The following MTCL2 variants were observed in gnomAD, a reference collection of about 807,000 sequenced individuals.
The protein encoded by MTCL2 is microtubule crosslinking factor 2, also known as microtubule cross-linking factor 2.
the MTCL2 span, among the ~76,000 whole-genome samples, chr20:36,795,533 G>A: frequency 2.0e-5 from 3 of 152,112 alleles, no homozygotes; most frequent in African/African-American, 7.2e-5. Flanking sequence ...CCAGCACTTT[G>A]GGATGCTGAG....
chr20:36,862,933 G>GCTCCAGGCCCAGCAGGCGCGCCTC, the MTCL2 span: 2 of 1,374,822 alleles, frequency 1.5e-6, no homozygotes, highest in Non-Finnish European at 1.9e-6. Context: ...CTCAGCGCCA[G>GCTCCAGGCCCAGCAGGCGCGCCTC]CTCCAGGCCC....
the MTCL2 span, among the ~76,000 whole-genome samples, chr20:36,804,508 G>A: frequency 6.6e-6 from 1 of 152,160 alleles, no homozygotes; most frequent in African/African-American, 2.4e-5. Flanking sequence ...AGCCCAGGGC[G>A]CAATCCCCCA....
the MTCL2 span, among the ~76,000 whole-genome samples, chr20:36,845,537 G>A: frequency 1.3e-5 from 2 of 152,226 alleles, no homozygotes; most frequent in Non-Finnish European, 2.9e-5. Context: ...ACGGCCCCAC[G>A]TGAGAGGGTG....
the MTCL2 span, chr20:36,783,310 G>T: frequency 6.6e-6 from 1 of 152,224 alleles, no homozygotes. Context: ...AGGCCTAAGA[G>T]CCACTGATGC....
At chr20:36,857,813 G>A in the MTCL2 span, among the ~76,000 whole-genome samples, 1 of 152,194 alleles carries the variant, frequency 6.6e-6, no homozygotes, top group African/African-American at 2.4e-5. Flanking sequence ...ATGAATGAAT[G>A]CCTGGAGGAA....
At chr20:36,805,710 C>CT in the MTCL2 span, 2 of 677,818 alleles carry the variant, frequency 3.0e-6, no homozygotes, top group African/African-American at 3.6e-5. Context: ...CATCTGGACT[C>CT]TGTTACTGCC....
chr20:36,849,804 T>G, the MTCL2 span, among the ~76,000 whole-genome samples: 1 of 152,218 alleles, frequency 6.6e-6, no homozygotes, highest in South Asian at 2.1e-4. Context: ...TGGCTCCAGA[T>G]GCATGGCTAT....
chr20:36,790,509 G>A, the MTCL2 span, among the ~76,000 whole-genome samples: 1 of 133,492 alleles, frequency 7.5e-6, no homozygotes, highest in East Asian at 2.3e-4. Flanking sequence ...GTCTCAGCTT[G>A]TTGCAACCTC....
At chr20:36,829,427 G>A in the MTCL2 span, among the ~76,000 whole-genome samples, 1 of 151,292 alleles carries the variant, frequency 6.6e-6, no homozygotes, top group African/African-American at 2.4e-5. Context: ...CCTAGGTACC[G>A]CAAGCTCTCA....
chr20:36,792,743 T>C, the MTCL2 span, among the ~76,000 whole-genome samples: 16 of 152,080 alleles, frequency 1.1e-4, no homozygotes, highest in Non-Finnish European at 7.4e-5. Flanking sequence ...TTGTTCCAGG[T>C]CTGGGACCTT....
the MTCL2 span, chr20:36,863,417 G>C: frequency 9.2e-7 from 1 of 1,085,094 alleles, no homozygotes; most frequent in Non-Finnish European, 1.1e-6. The surrounding 1 kb of genome is among the most constrained non-coding windows in gnomAD (Gnocchi z 6.2). Flanking sequence ...CCTGGGGAGG[G>C]ACCCGGCGCG....
the MTCL2 span, among the ~76,000 whole-genome samples, chr20:36,792,354 C>T: frequency 2.6e-5 from 4 of 152,026 alleles, no homozygotes; most frequent in Admixed American, 6.6e-5. Flanking sequence ...CTAAAAAATA[C>T]AAAAATTAGC....
At chr20:36,830,475 G>A in the MTCL2 span, among the ~76,000 whole-genome samples, 1 of 152,146 alleles carries the variant, frequency 6.6e-6, no homozygotes, top group African/African-American at 2.4e-5. Flanking sequence ...GGCCAACATG[G>A]AAGAATCACC....
At chr20:36,850,058 AAG>A in the MTCL2 span, among the ~76,000 whole-genome samples, 1 of 152,048 alleles carries the variant, frequency 6.6e-6, no homozygotes, top group East Asian at 1.9e-4. Flanking sequence ...CCTCCCACCC[AAG>A]AGTCAGCCCC....
At chr20:36,836,651 A>T in the MTCL2 span, among the ~76,000 whole-genome samples, 1 of 151,518 alleles carries the variant, frequency 6.6e-6, no homozygotes, top group Non-Finnish European at 1.5e-5. Flanking sequence ...GCCTCTGCTA[A>T]TTTTTTTTAT....
the MTCL2 span, among the ~76,000 whole-genome samples, chr20:36,834,794 G>A: frequency 1.3e-5 from 2 of 152,244 alleles, no homozygotes; most frequent in Admixed American, 1.3e-4. Flanking sequence ...CTGAGGTCAG[G>A]AGTTAGAGAC....
chr20:36,797,815 T>C, the MTCL2 span, among the ~76,000 whole-genome samples: 1 of 152,176 alleles, frequency 6.6e-6, no homozygotes, highest in Admixed American at 6.5e-5. Flanking sequence ...CCTAATATAG[T>C]AACAGCCATG....
the MTCL2 span, chr20:36,777,653 T>TGGAC: frequency 2.1e-6 from 1 of 481,936 alleles, no homozygotes; most frequent in East Asian, 3.6e-5. Context: ...ACAAGAGAGG[T>TGGAC]GGACAGTTGG....
the MTCL2 span, among the ~76,000 whole-genome samples, chr20:36,837,547 C>CATT: frequency 0.013 from 1,658 of 125,240 alleles, 12 homozygotes; most frequent in South Asian, 0.024. Context: ...ATTTTACCCA[C>CATT]ATTATTATTA....
Sources: gnomAD v4.1 joint callset for allele counts (sites outside exome capture counted in the v4.1 genomes callset) on GRCh38, gnomAD v4.1.1 for gene constraint, Gnocchi (gnomAD v3.1) non-coding constraint, MANE v1.5 for transcripts, NCBI Gene and HGNC (gene_info 2026-07-23, HGNC 2026-07-21) for gene names.